Variants in GRIA4 observed in about 807,000 individuals in gnomAD.
The protein encoded by GRIA4 is glutamate ionotropic receptor AMPA type subunit 4.
Under a neutral mutation model 104.0 loss-of-function variants are expected in GRIA4, and 34 were observed. The ratio of observed to expected loss-of-function variants is 0.33; its 90% CI spans 0.25 to 0.44. The LOEUF (loss-of-function observed/expected upper bound fraction) is 0.44, where lower values mean the gene tolerates loss of function less well. Among genes scored for constraint, GRIA4 ranks in the 20% least tolerant of loss-of-function variants. GRIA4 has a pLI of 1.00. For missense variants in GRIA4, 750 were observed against 1,096.5 expected, an observed-to-expected ratio of 0.68 and a Z score of 4.46; for synonymous variants, 386 against 381.9, an observed-to-expected ratio of 1.01 and a Z score of -0.13.
intron 3 of GRIA4, among the ~76,000 whole-genome samples, chr11:105,702,290 T>C (rs1953525736): frequency 6.6e-6 from 1 of 152,128 alleles, no homozygotes; most frequent in Non-Finnish European, 1.5e-5. Context: ...TTTTATTAAT[T>C]AAATATAAAA....
intron 4 of GRIA4, among the ~76,000 whole-genome samples, chr11:105,812,351 A>G (rs1044745450): frequency 2.6e-5 from 4 of 152,196 alleles, no homozygotes; most frequent in Non-Finnish European, 4.4e-5. Flanking sequence ...TGTTGTGAAT[A>G]GTTGGCAATG....
At chr11:105,639,272 G>C (rs575180637) in intron 3 of GRIA4, among the ~76,000 whole-genome samples, 2 of 152,114 alleles carry the variant, frequency 1.3e-5, no homozygotes, top group Non-Finnish European at 2.9e-5. Flanking sequence ...GATAAAGTTG[G>C]TGAAGGAACA....
At chr11:105,698,799 C>A (rs1005957813) in intron 3 of GRIA4, among the ~76,000 whole-genome samples, 3 of 152,214 alleles carry the variant, frequency 2.0e-5, no homozygotes, top group East Asian at 3.8e-4. Flanking sequence ...GCAGGTGTGG[C>A]TGAAAGACCT....
At chr11:105,750,148 C>A (rs1286029470) in intron 3 of GRIA4, among the ~76,000 whole-genome samples, 2 of 151,958 alleles carry the variant, frequency 1.3e-5, no homozygotes, top group Admixed American at 1.3e-4. Context: ...AGAGTGTTTT[C>A]AAAGCTATAT....
rs112180207 is a variant in GRIA4 at position 105,852,433 on chromosome 11, A to G, written c.488-9591A>G. Among the ~76,000 whole-genome samples, 869 of 152,302 alleles carry G rather than the reference A, an allele frequency of 5.7e-3. 12 individuals are homozygous for G. The highest frequency in any genetic ancestry group is 0.02 in the African/African-American group (814 of 41,566). On this transcript the variant is annotated intron_variant, in intron 4 of 16. Coordinates refer to ENST00000282499, the MANE Select transcript of GRIA4 (RefSeq NM_000829.4). ...ATCCTACATTAATCTTCTTCATTAC[A>G]TAGAAAGTCAAAGGTGGAAGATTAA...
At chr11:105,761,320 TC>T (rs1259697131) in intron 4 of GRIA4, among the ~76,000 whole-genome samples, 3 of 152,306 alleles carry the variant, frequency 2.0e-5, no homozygotes, top group Non-Finnish European at 2.9e-5. Flanking sequence ...CAAAAGTGTA[TC>T]TTTTGACATT....
chr11:105,925,127 A>AT (rs1463030856), intron 12 of GRIA4, among the ~76,000 whole-genome samples: 1 of 151,960 alleles, frequency 6.6e-6, no homozygotes, highest in East Asian at 1.9e-4. Flanking sequence ...TATTATTGCA[A>AT]TTTTTTCCTA....
intron 5 of GRIA4, among the ~76,000 whole-genome samples, chr11:105,872,972 T>G (rs933925658): frequency 6.6e-5 from 10 of 152,072 alleles, no homozygotes; most frequent in African/African-American, 2.4e-4. Context: ...ATGTGCAGAA[T>G]GTGCAGGTTT....
At chr11:105,901,178 T>C (rs554915601) in intron 7 of GRIA4, among the ~76,000 whole-genome samples, 3 of 152,254 alleles carry the variant, frequency 2.0e-5, no homozygotes, top group Admixed American at 2.0e-4. Context: ...TCAGATATGA[T>C]ATGAAATTTC....
intron 3 of GRIA4, among the ~76,000 whole-genome samples, chr11:105,684,667 T>C (rs2135475351): frequency 6.7e-6 from 1 of 149,184 alleles, no homozygotes; most frequent in South Asian, 2.1e-4. Context: ...TAAATCAGTC[T>C]TCCTCAATCT....
intron 2 of GRIA4, 95 bp downstream of exon 2, chr11:105,611,180 C>T (rs187016226): frequency 1.2e-6 from 1 of 847,598 alleles, no homozygotes; most frequent in East Asian, 2.5e-5. Flanking sequence ...TCAGGGAAAC[C>T]TTCAGCAGTT....
intron 14 of GRIA4, among the ~76,000 whole-genome samples, chr11:105,969,687 G>T (rs1858584107): frequency 6.6e-6 from 1 of 152,084 alleles, no homozygotes; most frequent in African/African-American, 2.4e-5. Flanking sequence ...TTCAAGAACT[G>T]AAATATAGGA....
intron 3 of GRIA4, among the ~76,000 whole-genome samples, chr11:105,719,471 G>C (rs1954219734): frequency 6.6e-6 from 1 of 152,130 alleles, no homozygotes; most frequent in East Asian, 1.9e-4. Flanking sequence ...AGAAATCTGA[G>C]CTGACAAAAT....
At chr11:105,648,583 A>G (rs1295029123) in intron 3 of GRIA4, among the ~76,000 whole-genome samples, 2 of 151,800 alleles carry the variant, frequency 1.3e-5, no homozygotes, top group African/African-American at 2.4e-5. Flanking sequence ...ATATTAATAA[A>G]TGCAAAAAGG....
intron 3 of GRIA4, among the ~76,000 whole-genome samples, chr11:105,695,460 C>CTG (rs745358395): frequency 4.5e-4 from 56 of 124,642 alleles, no homozygotes; most frequent in Middle Eastern, 3.8e-3. Context: ...GTGTGTGTGT[C>CTG]TGTGTGTGTG....
intron 3 of GRIA4, among the ~76,000 whole-genome samples, chr11:105,745,490 A>T (rs769740819): frequency 1.4e-4 from 22 of 151,960 alleles, no homozygotes; most frequent in Non-Finnish European, 2.8e-4. Flanking sequence ...AAAACACAAA[A>T]CATCTACCAT....
At position 105,797,879 on chromosome 11, in the gene GRIA4, T is replaced by G. The variant is rs146717257; in HGVS notation, c.487+44659T>G. ...GAGCTCAATGTATTTAATTACTTGA[T>G]TGCTGATTCAAATTTAAACAATGGA... On this transcript the variant is annotated intron_variant, in intron 4 of 16. Coordinates refer to ENST00000282499, the MANE Select transcript of GRIA4 (RefSeq NM_000829.4). The G allele has an allele frequency of 1.4e-4, 62 of 434,720 alleles. 2 individuals carry two copies. In the Middle Eastern group the frequency reaches 1.8e-3, roughly 13 times the overall value. 26.9% of individuals were successfully genotyped at this position (434,720 alleles called of 1,614,324 possible).
chr11:105,814,188 G>GT (rs1943287097), intron 4 of GRIA4, among the ~76,000 whole-genome samples: 1 of 152,152 alleles, frequency 6.6e-6, no homozygotes, highest in African/African-American at 2.4e-5. Flanking sequence ...TAAGTGCAAA[G>GT]TAAGTCCATG....
At chr11:105,785,267 A>G (rs530385004) in intron 4 of GRIA4, among the ~76,000 whole-genome samples, 3 of 152,296 alleles carry the variant, frequency 2.0e-5, no homozygotes, top group African/African-American at 7.2e-5. Flanking sequence ...AATGAGGTAC[A>G]ATCCATCAAT....
Sources: gnomAD v4.1 joint callset for allele counts (sites outside exome capture counted in the v4.1 genomes callset) on GRCh38, gnomAD v4.1.1 for gene constraint, MANE v1.5 for transcripts, NCBI Gene and HGNC (gene_info 2026-07-23, HGNC 2026-07-21) for gene names.